The following SLFN11 variants were observed in gnomAD, a reference collection of about 807,000 sequenced individuals.
The protein encoded by SLFN11 is schlafen family member 11.
Under a neutral mutation model 53.4 loss-of-function variants are expected in SLFN11, and 43 were observed. The observed-to-expected ratio is 0.80, with a 90% CI of 0.63 to 1.04. SLFN11 has a LOEUF of 1.04. SLFN11 is among the 50% of genes least tolerant of loss of function. SLFN11 has a pLI of 0.00. For synonymous variants in SLFN11, 389 were observed against 394.7 expected (o/e 0.99, Z 0.17); for missense variants, 990 against 1,079.1 (o/e 0.92, Z 1.16).
intron 3 of SLFN11, among the ~76,000 whole-genome samples, chr17:35,366,482 G>T (rs1233796368): frequency 6.6e-6 from 1 of 151,690 alleles, no homozygotes; most frequent in African/African-American, 2.4e-5. Flanking sequence ...TTTAAATACA[G>T]TCAACAAATA....
intron 3 of SLFN11, among the ~76,000 whole-genome samples, chr17:35,365,196 C>G (rs1460619497): frequency 6.6e-6 from 1 of 152,072 alleles, no homozygotes; most frequent in Non-Finnish European, 1.5e-5. Flanking sequence ...TGGGAGGAAG[C>G]TGAAAGAGTC....
At position 35,354,025 on chromosome 17, in the gene SLFN11, T is replaced by C; in HGVS notation, c.1233A>G (p.Ser411=). 2.5e-6 allele frequency: 4 copies of C among 1,613,338 alleles called. No individual in the cohort carries two copies. Among genetic ancestry groups the C allele is most frequent in the African/African-American group, 1.3e-5 (1 of 75,008 alleles). Residue 411 remains serine, a synonymous_variant, in exon 6 of 7, where the codon TCA becomes TCG. Coordinates refer to ENST00000685675, the MANE Select transcript of SLFN11 (RefSeq NM_001376007.1). Reference sequence around the variant, plus strand: ...GCTCTGAGATCAGGTCCCTCCAGAGTGACTCTGGAGTATATCGCAAATATC... The same window carrying C: ...GCTCTGAGATCAGGTCCCTCCAGAGCGACTCTGGAGTATATCGCAAATATC... ...PPGYLRYTPE[S]LWRDLISEHR...
intron 5 of SLFN11, 52 bp downstream of exon 5, chr17:35,360,191 C>T: frequency 6.4e-7 from 1 of 1,566,484 alleles, no homozygotes; most frequent in Non-Finnish European, 8.7e-7. Flanking sequence ...TTTAATCTCC[C>T]TTTATCCTAA....
Position 35,362,981 on chromosome 17 carries a change from T to G in SLFN11, c.827A>C (p.Gln276Pro). The G allele has an allele frequency of 6.2e-7, 1 of 1,613,984 alleles. No homozygotes were observed. The highest frequency in any genetic ancestry group is 8.5e-7 in the Non-Finnish European group (1 of 1,179,950). Residue 276 changes from glutamine to proline, a missense_variant, in exon 4 of 7, where the codon CAA (glutamine) becomes CCA (proline). By Grantham distance (76) the Gln-to-Pro change is moderately conservative. Transcript: ENST00000685675. The stretch of plus-strand genomic sequence containing the variant: ...AACACAAGGTAGTTTGTATATGGCT[T>G]GTTCTATTTTCCTTCTCAAAGAGTC... Reference protein sequence around the residue: ...DPDSLRRKIEQAIYKLPCVHF... With the variant: ...DPDSLRRKIEPAIYKLPCVHF...
At chr17:35,366,680 C>G (rs1908995855) in intron 3 of SLFN11, among the ~76,000 whole-genome samples, 1 of 151,994 alleles carries the variant, frequency 6.6e-6, no homozygotes, top group South Asian at 2.1e-4. Context: ...TCAGTGGGTG[C>G]TAGTAACTCT....
intron 1 of SLFN11, among the ~76,000 whole-genome samples, chr17:35,372,102 A>T (rs1192522935): frequency 2.6e-5 from 4 of 152,180 alleles, no homozygotes; most frequent in Non-Finnish European, 5.9e-5. Flanking sequence ...TGGATAAAGA[A>T]AATGATGTGC....
rs1906832526 is a variant in SLFN11 at position 35,352,533 on chromosome 17, ATCACATG to A, written c.2522_2528del (p.Ala841ValfsTer22). 6.2e-7 allele frequency: 1 copy of A among 1,614,170 alleles called. No individual in the cohort carries two copies. Among genetic ancestry groups the A allele is most frequent in the African/African-American group, 1.3e-5 (1 of 75,032 alleles). Reference sequence around the variant, plus strand: ...CCAACACAATGTGATCACCCAACATATCACATGCATCACTGAGCTGCACCACCCTTTT... The same window carrying A: ...CCAACACAATGTGATCACCCAACATACATCACTGAGCTGCACCACCCTTTT... On this transcript the variant is annotated frameshift_variant, in exon 7 of 7. Transcript: ENST00000685675. LOFTEE classifies it low-confidence loss of function (END_TRUNC).
At chr17:35,361,401 C>T (rs781178815) in intron 4 of SLFN11, among the ~76,000 whole-genome samples, 5 of 152,006 alleles carry the variant, frequency 3.3e-5, no homozygotes, top group East Asian at 1.9e-4. Flanking sequence ...CAATATGAAA[C>T]GGTACTGAGG....
chr17:35,364,569 G>A (rs775593781), intron 3 of SLFN11, among the ~76,000 whole-genome samples: 6 of 152,148 alleles, frequency 3.9e-5, no homozygotes, highest in Non-Finnish European at 8.8e-5. Flanking sequence ...GTGGGCACCA[G>A]GAGGCAATAA....
At position 35,353,951 on chromosome 17, in the gene SLFN11, C is replaced by A. The variant is rs146126445; in HGVS notation, c.1307G>T (p.Arg436Leu). Residue 436 changes from arginine to leucine, a missense_variant, in exon 6 of 7, where the codon CGG (arginine) becomes CTG (leucine). By Grantham distance (102) the Arg-to-Leu change is moderately radical. Transcript: ENST00000685675. ...LINKQMQPFF[R>L]GILIFSRSWA... ...ACTTCTAGAGAAGATCAAAATTCCC[C>A]GAAAGAAAGGTTGCATTTGCTTATT... 1.4e-5 allele frequency: 22 copies of A among 1,613,948 alleles called. No individual in the cohort carries two copies. Among genetic ancestry groups the A allele is most frequent in the Non-Finnish European group, 1.8e-5 (21 of 1,179,990 alleles).
At chr17:35,361,377 A>G (rs1908187768) in intron 4 of SLFN11, among the ~76,000 whole-genome samples, 1 of 152,104 alleles carries the variant, frequency 6.6e-6, no homozygotes, top group South Asian at 2.1e-4. Context: ...AACAGGATAA[A>G]CAGAGACACA....
In SLFN11 at chr17:35,353,420, A is replaced by G; in HGVS notation, c.1838T>C (p.Met613Thr). ...SGKTIMAMKI[M>T]EKIRNVFHCE... is the part of the protein sequence containing the mutation. ...GTGAAACACATTCCTGATCTTCTCC[A>G]TGATCTTCATGGCCATGATGGTCTT... Residue 613 changes from methionine to threonine, a missense_variant, in exon 6 of 7, where the codon ATG becomes ACG. Met to Thr is a moderately conservative substitution (Grantham distance 81). Transcript: ENST00000685675. The G allele has an allele frequency of 6.2e-7, 1 of 1,608,542 alleles. No individual in the cohort carries two copies. The highest frequency in any genetic ancestry group is 1.1e-5 in the South Asian group (1 of 90,610).
In SLFN11 at chr17:35,363,680, T is replaced by C. The variant is rs1301542926; in HGVS notation, c.128A>G (p.Lys43Arg). The change falls in exon 4 of 7, where the codon AAG becomes AGG. Residue 43 changes from lysine (K) to arginine (R), a missense_variant. By Grantham distance (26) the Lys-to-Arg change is conservative. This residue lies in a region of SLFN11 where 521 missense variants were observed against 516.2 expected (regional missense o/e 1.01). Coordinates refer to ENST00000685675, the MANE Select transcript of SLFN11 (RefSeq NM_001376007.1). ...ACATGCAGCCCGCATAACTCTCTCC[T>C]TCTCTTGGTCTCTCTGAATTTTCTG... ...KLQKIQRDQE[K>R]ERVMRAACAL... 1.9e-6 allele frequency: 3 copies of C among 1,613,982 alleles called. No individual in the cohort carries two copies. In the African/African-American group the frequency reaches 4.0e-5, roughly 22 times the overall value.
chr17:35,356,971 TA>T (rs745441575), intron 5 of SLFN11, among the ~76,000 whole-genome samples: 12 of 151,990 alleles, frequency 7.9e-5, no homozygotes, highest in Non-Finnish European at 1.6e-4. Context: ...AACTAGCAAA[TA>T]AGAGATAATG....
intron 1 of SLFN11, among the ~76,000 whole-genome samples, chr17:35,372,882 T>C (rs1445194819): frequency 1.3e-5 from 2 of 152,062 alleles, no homozygotes; most frequent in Non-Finnish European, 2.9e-5. Context: ...CCTTCTGGGG[T>C]AGCACGTGTA....
In SLFN11 at chr17:35,353,550, C is replaced by T. The variant is rs756198891; in HGVS notation, c.1708G>A (p.Gly570Ser). The T allele has an allele frequency of 9.0e-6, 12 of 1,332,182 alleles. No individual in the cohort carries two copies. Among genetic ancestry groups the T allele is most frequent in the Admixed American group, 5.3e-5 (2 of 37,720 alleles). The allele number at this position is 1,332,182 out of a possible 1,614,324, so 82.5% of individuals were successfully genotyped here. ...GFRSLLSDQL[G>S]CEVLNLLTAQ... The stretch of plus-strand genomic sequence containing the variant: ...GTGAGCAGATTTAAAACCTCACAGC[C>T]GAGCTGGTCACTCAAGAGAGACCTG... The change falls in exon 6 of 7, where the codon GGC (glycine) becomes AGC (serine). Residue 570 changes from glycine to serine, a missense_variant. Physicochemically the swap from Gly to Ser is moderately conservative, Grantham distance 56 (BLOSUM62 0). This residue lies in a region of SLFN11 where 156 missense variants were observed against 241.9 expected (regional missense o/e 0.64). Coordinates refer to ENST00000685675, the MANE Select transcript of SLFN11 (RefSeq NM_001376007.1).
intron 3 of SLFN11, among the ~76,000 whole-genome samples, chr17:35,364,378 C>A (rs770671302): frequency 2.0e-5 from 3 of 152,076 alleles, no homozygotes; most frequent in Non-Finnish European, 4.4e-5. Context: ...AAGTCACCTG[C>A]ACAGAGGTCT....
At chr17:35,371,494 T>C (rs1322294687) in intron 1 of SLFN11, among the ~76,000 whole-genome samples, 1 of 152,046 alleles carries the variant, frequency 6.6e-6, no homozygotes, top group Non-Finnish European at 1.5e-5. Context: ...GTTAAAAAGC[T>C]TCTGCACAGC....
rs141302419 is a variant in SLFN11, at chr17:35,353,062, A to G, written c.2000T>C (p.Ile667Thr). Reference protein sequence around the residue: ...ENFEHIQHIVIDEAQNFRTED... With the variant: ...ENFEHIQHIVTDEAQNFRTED... The stretch of plus-strand genomic sequence containing the variant: ...AGTACGGAAATTCTGAGCTTCGTCA[A>G]TGACGATGTGTTGAATGTGTTCAAA... The change falls in exon 7 of 7, where the codon ATT becomes ACT. Residue 667 changes from isoleucine to threonine, a missense_variant. By Grantham distance (89) the Ile-to-Thr change is moderately conservative. Transcript: ENST00000685675. 1.1e-3 allele frequency: 1,847 copies of G among 1,614,196 alleles called. 4 individuals carry two copies. Among genetic ancestry groups the G allele is most frequent in the Non-Finnish European group, 1.5e-3 (1,726 of 1,180,048 alleles).
Sources: gnomAD v4.1 joint callset for allele counts (sites outside exome capture counted in the v4.1 genomes callset) on GRCh38, gnomAD v4.1.1 for gene constraint, gnomAD v4.1.1 regional missense constraint, MANE v1.5 for transcripts, NCBI Gene and HGNC (gene_info 2026-07-23, HGNC 2026-07-21) for gene names.